The following STXBP3 variants were observed in gnomAD, a reference collection of about 807,000 sequenced individuals.
STXBP3 encodes syntaxin binding protein 3.
In STXBP3, 41 loss-of-function variants were observed where a neutral mutation model predicts 85.7. The ratio of observed to expected loss-of-function variants is 0.48; its 90% CI spans 0.37 to 0.62. The LOEUF is 0.62. STXBP3 is among the 20% of genes least tolerant of loss of function. The probability of loss-of-function intolerance (pLI) is 0.00; values close to 1 mark genes in which losing one functional copy is unlikely to be tolerated. For missense variants in STXBP3, 563 were observed against 703.1 expected, an observed-to-expected ratio of 0.80 and a Z score of 2.25; for synonymous variants, 229 against 231.7, an observed-to-expected ratio of 0.99 and a Z score of 0.10.
At position 108,800,236 on chromosome 1, in the gene STXBP3, G is replaced by C. The variant is rs1370244015; in HGVS notation, c.1466G>C (p.Arg489Thr). ...KDIMEDAIDN[R>T]LDSKEWPYCS... ...CTTCCTTAGGATGCTATTGATAATA[G>C]ATTAGATTCAAAAGAATGGCCATAT... The change falls in exon 17 of 19, where the codon AGA (arginine) becomes ACA (threonine). Residue 489 changes from arginine (R) to threonine (T), a missense_variant. Arg to Thr is a moderately conservative substitution (Grantham distance 71). Around this residue, in one of 3 missense-constraint regions of STXBP3, gnomAD observed 494 missense variants for 592.8 expected, o/e 0.83. Coordinates refer to ENST00000370008, the MANE Select transcript of STXBP3 (RefSeq NM_007269.4). The C allele has an allele frequency of 2.5e-6, 4 of 1,610,162 alleles. 1 individual carries two copies. In the Admixed American group the frequency reaches 5.0e-5, roughly 20 times the overall value.
At chr1:108,770,137 A>G (rs1362328156) in intron 6 of STXBP3, among the ~76,000 whole-genome samples, 1 of 152,096 alleles carries the variant, frequency 6.6e-6, no homozygotes, top group Non-Finnish European at 1.5e-5. Context: ...AAAGAAACTT[A>G]AAAAAGGAAT....
At chr1:108,804,409 A>T (rs1663288743) in intron 17 of STXBP3, among the ~76,000 whole-genome samples, 1 of 151,960 alleles carries the variant, frequency 6.6e-6, no homozygotes, top group Non-Finnish European at 1.5e-5. Flanking sequence ...TTATTTTGTC[A>T]TACTCTCTAT....
Position 108,798,254 on chromosome 1 carries a change from TG to T in STXBP3, c.1449+18del, listed in dbSNP as rs1232180038. On this transcript the variant is annotated intron_variant, in intron 16 of 18. Transcript: ENST00000370008. ...ATTATGGAGGTAAAAATCATTAAAA[TG>T]TTTTTTTCTACCTGAGTGCCCTCTT... The T allele has an allele frequency of 1.5e-5, 23 of 1,584,910 alleles. No homozygotes were observed. The highest frequency in any genetic ancestry group is 1.9e-5 in the Non-Finnish European group (22 of 1,161,800).
chr1:108,757,341 C>T (rs2101104877), intron 4 of STXBP3, among the ~76,000 whole-genome samples: 1 of 152,044 alleles, frequency 6.6e-6, no homozygotes, highest in Non-Finnish European at 1.5e-5. Context: ...CACTTATTCC[C>T]ATGTAGAACG....
intron 11 of STXBP3, among the ~76,000 whole-genome samples, chr1:108,789,814 C>A (rs1267800472): frequency 6.6e-6 from 1 of 151,806 alleles, no homozygotes; most frequent in Non-Finnish European, 1.5e-5. Context: ...GCCTGTAATC[C>A]CAGCACTTTG....
chr1:108,777,249 T>C (rs1240180483), intron 8 of STXBP3, among the ~76,000 whole-genome samples: 2 of 152,174 alleles, frequency 1.3e-5, no homozygotes, highest in Non-Finnish European at 2.9e-5. Context: ...CAGAGTATAA[T>C]GGGAATATAG....
At chr1:108,803,083 T>C (rs1486430102) in intron 17 of STXBP3, among the ~76,000 whole-genome samples, 1 of 152,240 alleles carries the variant, frequency 6.6e-6, no homozygotes, top group African/African-American at 2.4e-5. Flanking sequence ...GGTGCTTCCC[T>C]TGGACTGAGG....
At chr1:108,748,538 T>C (rs1661840614) in intron 1 of STXBP3, among the ~76,000 whole-genome samples, 1 of 147,224 alleles carries the variant, frequency 6.8e-6, no homozygotes, top group East Asian at 2.1e-4. Flanking sequence ...AATAAATAAA[T>C]AGCTAGCGTA....
chr1:108,763,394 G>T (rs1320057511), intron 6 of STXBP3, among the ~76,000 whole-genome samples: 1 of 152,168 alleles, frequency 6.6e-6, no homozygotes, highest in Non-Finnish European at 1.5e-5. Flanking sequence ...GGAAAATTCT[G>T]TGGGTGTAAG....
At chr1:108,753,930 C>T (rs1006282290) in intron 3 of STXBP3, among the ~76,000 whole-genome samples, 6 of 151,850 alleles carry the variant, frequency 4.0e-5, no homozygotes, top group African/African-American at 7.3e-5. Context: ...GTTTATGTAC[C>T]GTCTGTTACT....
At chr1:108,796,510 A>G in intron 14 of STXBP3, 110 bp from the exon 15 acceptor site, 1 of 1,193,216 alleles carries the variant, frequency 8.4e-7, no homozygotes. Flanking sequence ...AGGAGATATA[A>G]TTTGACTGTT....
intron 6 of STXBP3, among the ~76,000 whole-genome samples, chr1:108,769,187 C>T (rs1208792373): frequency 1.3e-5 from 2 of 151,992 alleles, no homozygotes; most frequent in African/African-American, 4.8e-5. Context: ...AATATACTTA[C>T]TATTAAATAG....
At chr1:108,769,593 T>C (rs1404709148) in intron 6 of STXBP3, among the ~76,000 whole-genome samples, 3 of 152,136 alleles carry the variant, frequency 2.0e-5, no homozygotes, top group Non-Finnish European at 4.4e-5. Context: ...AAGGAGCTGA[T>C]TATAGGTTTA....
At chr1:108,778,916 G>A (rs1326092646) in intron 8 of STXBP3, among the ~76,000 whole-genome samples, 1 of 152,014 alleles carries the variant, frequency 6.6e-6, no homozygotes. Flanking sequence ...CTTCATACAC[G>A]CAGGTTTCAC....
intron 6 of STXBP3, among the ~76,000 whole-genome samples, chr1:108,761,373 T>C (rs1662139410): frequency 6.6e-6 from 1 of 152,172 alleles, no homozygotes; most frequent in South Asian, 2.1e-4. Context: ...AGGATTTAAG[T>C]GGTAGTGTGA....
intron 8 of STXBP3, 62 bp downstream of exon 8, chr1:108,776,485 A>G (rs1161759824): frequency 4.7e-6 from 6 of 1,266,908 alleles, no homozygotes; most frequent in East Asian, 2.5e-5. Context: ...TTATAAGCCA[A>G]AGAAACTTGC....
intron 6 of STXBP3, chr1:108,767,634 A>G (rs916569714): frequency 6.5e-6 from 1 of 153,114 alleles, no homozygotes; most frequent in African/African-American, 2.4e-5. Flanking sequence ...GCACATGCGC[A>G]AGGTGGGCGG....
chr1:108,781,783 A>G (rs770132983), intron 9 of STXBP3: 2 of 152,278 alleles, frequency 1.3e-5, no homozygotes, highest in African/African-American at 4.8e-5. Flanking sequence ...ATCTCTGCTC[A>G]CTGCAAACTC....
At chr1:108,755,306 G>C (rs1219367388) in intron 3 of STXBP3, among the ~76,000 whole-genome samples, 1 of 151,950 alleles carries the variant, frequency 6.6e-6, no homozygotes, top group African/African-American at 2.4e-5. Flanking sequence ...AATTAACCAA[G>C]CATGGTGGCA....
Sources: allele counts gnomAD v4.1 joint callset (sites outside exome capture counted in the v4.1 genomes callset), GRCh38; gene constraint gnomAD v4.1.1; regional missense constraint gnomAD v4.1.1; transcripts MANE v1.5; gene names NCBI Gene and HGNC (gene_info 2026-07-23, HGNC 2026-07-21).